DTHD1: variants seen among roughly 807,000 people sequenced by gnomAD.
DTHD1 encodes death domain-containing protein 1.
DTHD1 carries 59 observed loss-of-function variants against 74.8 expected under a neutral mutation model. That is an observed-to-expected ratio of 0.79 (90% CI 0.64 to 0.98). DTHD1 has a LOEUF of 0.98. Ranked by LOEUF, DTHD1 falls within the 50% of genes least tolerant of loss-of-function variation. The pLI, the probability that DTHD1 is intolerant of heterozygous loss-of-function variation, is 0.00. For synonymous variants in DTHD1, 365 were observed against 371.1 expected (o/e 0.98, Z 0.19); for missense variants, 1,051 against 1,065.4 (o/e 0.99, Z 0.19).
At position 36,346,447 on chromosome 4, in the gene DTHD1, C is replaced by T. The variant is rs1420956482; in HGVS notation, c.*2623C>T. 1.3e-5 allele frequency among the ~76,000 whole-genome samples: 2 copies of T among 152,166 alleles called. No individual in the cohort carries two copies. Among genetic ancestry groups the T allele is most frequent in the Middle Eastern group, 3.4e-3 (1 of 294 alleles). On this transcript the variant is annotated 3_prime_UTR_variant, in exon 10 of 10. Coordinates refer to ENST00000639862, the MANE Select transcript of DTHD1 (RefSeq NM_001170700.3). ...CCCCAGAATTAAAACAAATACTGCA[C>T]ATATTGTTGTTACAGTAAAGCAATA...
At position 36,293,378 on chromosome 4, in the gene DTHD1, C is replaced by T. The variant is rs192107359; in HGVS notation, c.1219-148C>T. On this transcript the variant is annotated intron_variant, in intron 3 of 9. Coordinates refer to ENST00000639862, the MANE Select transcript of DTHD1 (RefSeq NM_001170700.3). ...TTTCTACTTAATCTCATATAATGACCATCCATTTTAGGTTATTGGAATCAT... is the reference window on the plus strand; with the variant it reads ...TTTCTACTTAATCTCATATAATGACTATCCATTTTAGGTTATTGGAATCAT... 1.9e-3 allele frequency: 997 copies of T among 518,872 alleles called. 3 individuals carry two copies. Among genetic ancestry groups the T allele is most frequent in the Non-Finnish European group, 2.6e-3 (866 of 332,530 alleles). The allele number at this position is 518,872 out of a possible 1,614,324, so 32.1% of individuals were successfully genotyped here. A position where few individuals can be genotyped will look rare whatever the true frequency, so the allele number is the denominator to read the frequency against.
intron 5 of DTHD1, among the ~76,000 whole-genome samples, chr4:36,298,796 T>C (rs1756590803): frequency 6.6e-6 from 1 of 152,186 alleles, no homozygotes; most frequent in Non-Finnish European, 1.5e-5. Flanking sequence ...TAGGAGCTTA[T>C]TACTTACTAT....
intron 4 of DTHD1, among the ~76,000 whole-genome samples, 179 bp from the exon 5 acceptor site, chr4:36,294,616 C>A (rs1226847342): frequency 6.6e-6 from 1 of 151,902 alleles, no homozygotes; most frequent in Non-Finnish European, 1.5e-5. Flanking sequence ...GGCCCTAATA[C>A]TGTGTTCTTT....
intron 7 of DTHD1, chr4:36,311,288 T>C (rs760299962): frequency 6.6e-6 from 1 of 152,222 alleles, no homozygotes; most frequent in Non-Finnish European, 1.5e-5. Flanking sequence ...GGCTCAGATC[T>C]GGAGCCTCAC....
chr4:36,285,528 A>G (rs1233663926), intron 2 of DTHD1, among the ~76,000 whole-genome samples: 1 of 152,106 alleles, frequency 6.6e-6, no homozygotes, highest in Non-Finnish European at 1.5e-5. Flanking sequence ...AGAAAGACCA[A>G]TCTATTTTAT....
At chr4:36,331,728 C>T (rs1053913990) in intron 8 of DTHD1, among the ~76,000 whole-genome samples, 5 of 152,220 alleles carry the variant, frequency 3.3e-5, no homozygotes, top group African/African-American at 9.6e-5. Context: ...ATAAAAACAG[C>T]GTGTCATTTT....
At chr4:36,338,077 A>T (rs1462227738) in intron 8 of DTHD1, among the ~76,000 whole-genome samples, 1 of 152,180 alleles carries the variant, frequency 6.6e-6, no homozygotes. Flanking sequence ...CACATTCAAG[A>T]TATAGAACTA....
At chr4:36,320,812 A>C (rs1241034980) in intron 8 of DTHD1, among the ~76,000 whole-genome samples, 3 of 152,254 alleles carry the variant, frequency 2.0e-5, no homozygotes, top group Non-Finnish European at 2.9e-5. Context: ...AAGTAGCCTA[A>C]TATAGCAGTA....
At chr4:36,309,187 G>A (rs1377425663) in intron 7 of DTHD1, among the ~76,000 whole-genome samples, 3 of 152,226 alleles carry the variant, frequency 2.0e-5, no homozygotes, top group Admixed American at 6.5e-5. Flanking sequence ...TGTAATCCCA[G>A]CACTTTGGGA....
intron 2 of DTHD1, among the ~76,000 whole-genome samples, chr4:36,285,903 A>C (rs1263753631): frequency 2.0e-5 from 3 of 151,776 alleles, no homozygotes; most frequent in African/African-American, 7.3e-5. Flanking sequence ...AGCTCCAAAA[A>C]CTCTCACTTT....
chr4:36,328,736 C>T (rs888301907), intron 8 of DTHD1, among the ~76,000 whole-genome samples: 1 of 152,194 alleles, frequency 6.6e-6, no homozygotes, highest in African/African-American at 2.4e-5. Context: ...AAAAAAGACA[C>T]ATGACCACAT....
intron 5 of DTHD1, among the ~76,000 whole-genome samples, chr4:36,305,432 G>A (rs1387409830): frequency 2.0e-5 from 3 of 152,032 alleles, no homozygotes; most frequent in Admixed American, 6.6e-5. Flanking sequence ...TAAAACCATC[G>A]TATCTCATGA....
chr4:36,306,604 T>G (rs1757068334), intron 6 of DTHD1, among the ~76,000 whole-genome samples: 1 of 152,260 alleles, frequency 6.6e-6, no homozygotes, highest in Non-Finnish European at 1.5e-5. Flanking sequence ...AAAATAGTTT[T>G]AAAATAGCAC....
chr4:36,315,526 A>G (rs1560805393), intron 7 of DTHD1: 1 of 152,182 alleles, frequency 6.6e-6, no homozygotes. Flanking sequence ...CTGTTCATTA[A>G]TTTTCATTTA....
chr4:36,290,057 CA>C (rs1701010454), intron 2 of DTHD1, among the ~76,000 whole-genome samples: 1 of 152,028 alleles, frequency 6.6e-6, no homozygotes, highest in African/African-American at 2.4e-5. Context: ...GCTTAAATAA[CA>C]ATAGTAACAA....
At position 36,284,553 on chromosome 4, in the gene DTHD1, A is replaced by C; in HGVS notation, c.849A>C (p.Ser283=). Residue 283 remains serine (S), a synonymous_variant, in exon 2 of 10, where the codon TCA becomes TCC. Transcript: ENST00000639862. ...TAAATAGTACTCTTCCCAATGATTCAGAGAATATAAAGCACAAGAATAACA... is the reference window on the plus strand; with the variant it reads ...TAAATAGTACTCTTCCCAATGATTCCGAGAATATAAAGCACAAGAATAACA... ...KYINSTLPND[S]ENIKHKNNIM... 1.3e-6 allele frequency: 2 copies of C among 1,527,468 alleles called. No homozygotes were observed. The highest frequency in any genetic ancestry group is 1.2e-5 in the South Asian group (1 of 81,494). 94.6% of individuals were successfully genotyped at this position (1,527,468 alleles called of 1,614,324 possible).
intron 3 of DTHD1, among the ~76,000 whole-genome samples, chr4:36,291,276 G>C (rs1156648867): frequency 6.6e-6 from 1 of 152,294 alleles, no homozygotes; most frequent in Non-Finnish European, 1.5e-5. Flanking sequence ...CTTTCTTGCT[G>C]TGTGAACTTG....
chr4:36,347,058 T>C lies in DTHD1; in HGVS notation c.*3234T>C, dbSNP rs1468085820. Among the ~76,000 whole-genome samples the C allele has an allele frequency of 6.6e-6, 1 of 152,200 alleles. No individual in the cohort carries two copies. Among genetic ancestry groups the C allele is most frequent in the Non-Finnish European group, 1.5e-5 (1 of 68,026 alleles). ...GATACCTCTCTGCACACCTTTCTTA[T>C]GCTCCTAGCAACGTATACATGTATT... On this transcript the variant is annotated 3_prime_UTR_variant, in exon 10 of 10. Coordinates refer to ENST00000639862, the MANE Select transcript of DTHD1 (RefSeq NM_001170700.3).
At chr4:36,291,056 C>A (rs1756046885) in intron 3 of DTHD1, among the ~76,000 whole-genome samples, 1 of 152,176 alleles carries the variant, frequency 6.6e-6, no homozygotes, top group Non-Finnish European at 1.5e-5. Context: ...ATGTTAGAAT[C>A]TCCAGATGAT....
Sources: gnomAD v4.1 joint callset for allele counts (sites outside exome capture counted in the v4.1 genomes callset) on GRCh38, gnomAD v4.1.1 for gene constraint, MANE v1.5 for transcripts, NCBI Gene and HGNC (gene_info 2026-07-23, HGNC 2026-07-21) for gene names.